Variants in MEIS1 observed in about 807,000 individuals in gnomAD.
MEIS1 encodes homeobox protein Meis1.
A neutral mutation model predicts 50.8 loss-of-function variants in MEIS1; 5 were observed. The ratio of observed to expected loss-of-function variants is 0.10; its 90% confidence interval spans 0.05 to 0.21. The LOEUF (loss-of-function observed/expected upper bound fraction) is 0.21, where lower values mean the gene tolerates loss of function less well. Ranked by LOEUF, MEIS1 falls within the 10% of genes least tolerant of loss-of-function variation. The pLI is 1.00. For synonymous variants in MEIS1, 176 were observed against 179.3 expected, an observed-to-expected ratio of 0.98 and a Z score of 0.15; for missense variants, 318 against 517.3, an observed-to-expected ratio of 0.61 and a Z score of 3.74.
chr2:66,511,849 C>T (rs1054965017), intron 7 of MEIS1, among the ~76,000 whole-genome samples: 4 of 152,114 alleles, frequency 2.6e-5, no homozygotes, highest in African/African-American at 9.7e-5. Flanking sequence ...CCTGTCTCAG[C>T]TATACATATT....
At chr2:66,498,809 G>A (rs986710417) in intron 7 of MEIS1, among the ~76,000 whole-genome samples, 20 of 152,264 alleles carry the variant, frequency 1.3e-4, no homozygotes, top group Admixed American at 6.5e-4. Flanking sequence ...TGTGGTCCTT[G>A]GACTGGCAGT....
chr2:66,559,801 C>G (rs1675166876), intron 9 of MEIS1, among the ~76,000 whole-genome samples: 1 of 151,954 alleles, frequency 6.6e-6, no homozygotes, highest in African/African-American at 2.4e-5. Context: ...TTTATGTTTA[C>G]TTAAATATAA....
chr2:66,561,067 G>T lies in MEIS1; in HGVS notation c.966-6386G>T, dbSNP rs1445332708. On this transcript the variant is annotated intron_variant, in intron 9 of 12. Coordinates refer to ENST00000272369, the MANE Select transcript of MEIS1 (RefSeq NM_002398.3). ...TTGAACTCTGAAGACCAACAGTTATGGATCATTAAATCCAATATGTAAATG... is the reference window on the plus strand; with the variant it reads ...TTGAACTCTGAAGACCAACAGTTATTGATCATTAAATCCAATATGTAAATG... Among the ~76,000 whole-genome samples, 4 of 152,100 alleles carry T rather than the reference G, an allele frequency of 2.6e-5. No individual in the cohort carries two copies. In the East Asian group the frequency reaches 7.7e-4, roughly 29 times the overall value.
chr2:66,435,615 C>G lies in MEIS1; in HGVS notation c.-242C>G, dbSNP rs1249022183. ...GAGAAGATCTGCTTTTTTTTGCCCC[C>G]GCTGCTGTCTTGGAAACGGAGCGCT... On this transcript the variant is annotated 5_prime_UTR_variant, in exon 1 of 13. Coordinates refer to ENST00000272369, the MANE Select transcript of MEIS1 (RefSeq NM_002398.3). The G allele has an allele frequency of 4.9e-6, 2 of 406,928 alleles. No individual in the cohort carries two copies. The highest frequency in any genetic ancestry group is 8.8e-5 in the Admixed American group (2 of 22,644). 25.2% of individuals were successfully genotyped at this position (406,928 alleles called of 1,614,324 possible). A position where few individuals can be genotyped will look rare whatever the true frequency, so the allele number is the denominator to read the frequency against.
chr2:66,543,998 T>C (rs748430696), intron 8 of MEIS1, among the ~76,000 whole-genome samples: 4 of 152,222 alleles, frequency 2.6e-5, no homozygotes, highest in Non-Finnish European at 4.4e-5. Flanking sequence ...TTAAACTGTG[T>C]CCTTGAGATG....
intron 8 of MEIS1, among the ~76,000 whole-genome samples, chr2:66,522,063 G>A (rs1674135756): frequency 6.6e-6 from 1 of 152,216 alleles, no homozygotes; most frequent in South Asian, 2.1e-4. Flanking sequence ...GGCATTAATA[G>A]TTTAAAGGAA....
intron 8 of MEIS1, among the ~76,000 whole-genome samples, chr2:66,512,583 C>G (rs1440463093): frequency 6.6e-6 from 1 of 152,138 alleles, no homozygotes; most frequent in Non-Finnish European, 1.5e-5. Context: ...TGTTGCTTTT[C>G]TAAGTGTGAC....
At chr2:66,539,832 C>T (rs2192960) in intron 8 of MEIS1, among the ~76,000 whole-genome samples, 30,761 of 152,180 alleles carry the variant, frequency 0.2, 3,330 homozygotes, top group East Asian at 0.27. Context: ...GCCCCCTCCC[C>T]TCCCCTTCTG....
Position 66,435,721 on chromosome 2 carries a change from C to G in MEIS1, c.-136C>G, listed in dbSNP as rs1191265398. ...GACCAGTAGCTCACGTTGCTGGAGA[C>G]GTTAAGGGATTTTTCGTCGTGCTTT... On this transcript the variant is annotated 5_prime_UTR_variant, in exon 1 of 13. Coordinates refer to ENST00000272369, the MANE Select transcript of MEIS1 (RefSeq NM_002398.3). The G allele has an allele frequency of 2.7e-6, 2 of 750,300 alleles. No homozygotes were observed. The highest frequency in any genetic ancestry group is 3.9e-5 in the South Asian group (2 of 51,276). The allele number at this position is 750,300 out of a possible 1,614,324, so 46.5% of individuals were successfully genotyped here.
At chr2:66,476,362 G>A (rs1259619284) in intron 7 of MEIS1, among the ~76,000 whole-genome samples, 3 of 152,170 alleles carry the variant, frequency 2.0e-5, no homozygotes, top group African/African-American at 4.8e-5. Context: ...ATTGCTTGAT[G>A]TACATTTTAA....
intron 9 of MEIS1, among the ~76,000 whole-genome samples, chr2:66,554,741 C>G (rs1262262137): frequency 6.6e-6 from 1 of 152,146 alleles, no homozygotes; most frequent in Admixed American, 6.5e-5. Context: ...CTCTGAAACT[C>G]TCATTCCAGC....
intron 6 of MEIS1, among the ~76,000 whole-genome samples, chr2:66,457,989 G>A (rs923578571): frequency 6.6e-6 from 1 of 152,206 alleles, no homozygotes; most frequent in African/African-American, 2.4e-5. Flanking sequence ...CCTCCCCAAA[G>A]AGAAAGCCGC....
rs11885678 is a variant in MEIS1 at position 66,440,755 on chromosome 2, C to T, written c.432+143C>T. 1.1e-3 allele frequency: 678 copies of T among 612,936 alleles called. 2 individuals carry two copies. Among genetic ancestry groups the T allele is most frequent in the African/African-American group, 0.011 (563 of 53,436 alleles). The allele number at this position is 612,936 out of a possible 1,614,324, so 38.0% of individuals were successfully genotyped here. On this transcript the variant is annotated intron_variant, in intron 4 of 12. Transcript: ENST00000272369. ...GGTTGGCTGCAAATGTTTCTGTACA[C>T]GGACAACTGGTCCGGGACAAGATCC...
chr2:66,456,607 G>A (rs1672395323), intron 6 of MEIS1, among the ~76,000 whole-genome samples: 1 of 152,188 alleles, frequency 6.6e-6, no homozygotes. Context: ...ATTAAGTGGA[G>A]TCATAAGCAC....
At chr2:66,497,889 A>G (rs1191186935) in intron 7 of MEIS1, among the ~76,000 whole-genome samples, 1 of 152,242 alleles carries the variant, frequency 6.6e-6, no homozygotes, top group African/African-American at 2.4e-5. Context: ...ATTGGCTGCC[A>G]GCTTAATGTG....
intron 8 of MEIS1, among the ~76,000 whole-genome samples, chr2:66,538,037 G>C (rs914403196): frequency 6.6e-6 from 1 of 152,142 alleles, no homozygotes; most frequent in East Asian, 1.9e-4. Flanking sequence ...CCTTTCTTCT[G>C]TCCTGTGCTA....
chr2:66,556,110 G>T (rs1019236333), intron 9 of MEIS1, among the ~76,000 whole-genome samples: 1 of 151,620 alleles, frequency 6.6e-6, no homozygotes, highest in African/African-American at 2.4e-5. Context: ...GCAAATATAA[G>T]GCTGTCCTGT....
At chr2:66,436,940 C>T (rs937990993) in intron 1 of MEIS1, 1 of 978,488 alleles carries the variant, frequency 1.0e-6, no homozygotes, top group Non-Finnish European at 1.2e-6. Flanking sequence ...TTGCTTTAAA[C>T]CTGGTGAGTA....
rs1675516295 is a variant in MEIS1, at chr2:66,573,317, G to A, written c.*2109G>A. On this transcript the variant is annotated 3_prime_UTR_variant, in exon 13 of 13. Coordinates refer to ENST00000272369, the MANE Select transcript of MEIS1 (RefSeq NM_002398.3). The stretch of plus-strand genomic sequence containing the variant: ...CTTATAATTTTATTTAAATAAAATT[G>A]CTGCTATAAAAAGTGCTTCCCAAAG... 6.6e-6 allele frequency: 1 copy of A among 152,134 alleles called. No individual in the cohort carries two copies. The allele number at this position is 152,134 out of a possible 1,614,324, so 9.4% of individuals were successfully genotyped here.
Sources: allele counts gnomAD v4.1 joint callset (sites outside exome capture counted in the v4.1 genomes callset), GRCh38; gene constraint gnomAD v4.1.1; transcripts MANE v1.5; gene names NCBI Gene and HGNC (gene_info 2026-07-23, HGNC 2026-07-21).